The following BCAS1 variants were observed in gnomAD, a reference collection of about 807,000 sequenced individuals.
The protein encoded by BCAS1 is brain enriched myelin associated protein 1.
BCAS1 carries 46 observed loss-of-function variants against 65.4 expected under a neutral mutation model. The observed-to-expected ratio is 0.70, with a 90% CI of 0.55 to 0.90. BCAS1 has a LOEUF of 0.90. Ranked by LOEUF, BCAS1 falls within the 40% of genes least tolerant of loss-of-function variation. The pLI is 0.00. For missense variants in BCAS1, 793 were observed against 771.2 expected (o/e 1.03, Z -0.33); for synonymous variants, 298 against 293.5 (o/e 1.02, Z -0.16).
At chr20:54,008,947 G>A (rs1304186687) in intron 4 of BCAS1, among the ~76,000 whole-genome samples, 2 of 152,030 alleles carry the variant, frequency 1.3e-5, no homozygotes, top group Admixed American at 6.6e-5. Context: ...CTGAGCAACT[G>A]GTATTACAGG....
chr20:54,029,696 A>G (rs290455), intron 3 of BCAS1, among the ~76,000 whole-genome samples: 89,929 of 152,086 alleles, frequency 0.59, 26,750 homozygotes, highest in South Asian at 0.62. Context: ...GTACAATAGC[A>G]CCTGGAATAT....
chr20:53,978,296 T>C (rs2090388430), intron 8 of BCAS1, among the ~76,000 whole-genome samples: 2 of 152,162 alleles, frequency 1.3e-5, no homozygotes, highest in Admixed American at 1.3e-4. Context: ...ACCACCTCTA[T>C]TCAGTTGATG....
chr20:54,044,869 G>T (rs1008720913), intron 3 of BCAS1, among the ~76,000 whole-genome samples: 3 of 150,282 alleles, frequency 2.0e-5, no homozygotes, highest in African/African-American at 7.3e-5. Flanking sequence ...AATTTTCTAA[G>T]TGTATTCCAA....
chr20:54,061,679 C>T (rs1250093810), intron 1 of BCAS1, among the ~76,000 whole-genome samples: 1 of 152,142 alleles, frequency 6.6e-6, no homozygotes, highest in South Asian at 2.1e-4. Flanking sequence ...AATACATAAC[C>T]AAATCTGGGG....
intron 9 of BCAS1, among the ~76,000 whole-genome samples, chr20:53,970,603 C>G (rs1000494588): frequency 6.6e-6 from 1 of 152,112 alleles, no homozygotes; most frequent in Non-Finnish European, 1.5e-5. Flanking sequence ...AGAATTAAAT[C>G]CCCCCTGCTT....
chr20:53,988,312 T>C (rs112079585), intron 7 of BCAS1, among the ~76,000 whole-genome samples: 4 of 152,188 alleles, frequency 2.6e-5, no homozygotes, highest in African/African-American at 9.7e-5. Context: ...ATGCATTACA[T>C]ACTTGGCCGT....
chr20:54,031,707 A>G (rs1024230540), intron 3 of BCAS1, among the ~76,000 whole-genome samples: 3 of 151,336 alleles, frequency 2.0e-5, no homozygotes, highest in African/African-American at 7.3e-5. Context: ...GCTGAACTTT[A>G]GCATTACATA....
intron 3 of BCAS1, among the ~76,000 whole-genome samples, chr20:54,054,812 A>G (rs1426015487): frequency 6.6e-6 from 1 of 152,238 alleles, no homozygotes; most frequent in Non-Finnish European, 1.5e-5. Flanking sequence ...CTGTTGTCCT[A>G]CGTTTCAAGA....
intron 4 of BCAS1, among the ~76,000 whole-genome samples, chr20:54,015,518 T>A (rs1241320316): frequency 1.3e-5 from 2 of 151,974 alleles, no homozygotes; most frequent in South Asian, 2.1e-4. Flanking sequence ...TTCAAGCCCA[T>A]GGCAAAAACA....
chr20:54,046,528 CAAA>C (rs71196442), intron 3 of BCAS1, among the ~76,000 whole-genome samples: 2 of 54,214 alleles, frequency 3.7e-5, no homozygotes, highest in African/African-American at 6.7e-5. Context: ...GACTCCATCT[CAAA>C]AAAAAAAAAA....
At chr20:53,966,090 G>T (rs1287365966) in intron 10 of BCAS1, among the ~76,000 whole-genome samples, 1 of 152,086 alleles carries the variant, frequency 6.6e-6, no homozygotes, top group East Asian at 1.9e-4. Flanking sequence ...AAAACTAAAA[G>T]TAGATCCACT....
At chr20:53,972,373 T>G (rs1227158363) in intron 9 of BCAS1, among the ~76,000 whole-genome samples, 1 of 152,122 alleles carries the variant, frequency 6.6e-6, no homozygotes, top group Non-Finnish European at 1.5e-5. Flanking sequence ...GGAAAGAAAA[T>G]CACCGATTAC....
At chr20:53,974,249 G>A (rs1052827178) in intron 9 of BCAS1, among the ~76,000 whole-genome samples, 1 of 152,132 alleles carries the variant, frequency 6.6e-6, no homozygotes, top group African/African-American at 2.4e-5. Context: ...CCCCTTCCAC[G>A]CTGTGGAAGC....
At chr20:54,016,366 C>T (rs150300086) in intron 4 of BCAS1, among the ~76,000 whole-genome samples, 3 of 152,086 alleles carry the variant, frequency 2.0e-5, no homozygotes, top group South Asian at 2.1e-4. Flanking sequence ...TTTTGGGGTA[C>T]GTGTGATAAT....
intron 3 of BCAS1, among the ~76,000 whole-genome samples, chr20:54,048,018 G>T (rs1600992541): frequency 6.6e-6 from 1 of 152,236 alleles, no homozygotes; most frequent in Middle Eastern, 3.4e-3. Context: ...AGAAAGTTGT[G>T]GGTTTTCTGC....
At chr20:53,982,618 A>C (rs1316156770) in intron 8 of BCAS1, among the ~76,000 whole-genome samples, 1 of 152,162 alleles carries the variant, frequency 6.6e-6, no homozygotes, top group African/African-American at 2.4e-5. Flanking sequence ...AAAATGTAAG[A>C]ATTTCCTAGA....
chr20:54,012,758 C>T (rs2091350182), intron 4 of BCAS1, among the ~76,000 whole-genome samples: 1 of 152,136 alleles, frequency 6.6e-6, no homozygotes, highest in Non-Finnish European at 1.5e-5. Context: ...ACAACGATCC[C>T]ATGAAGCATG....
chr20:54,024,985 T>C (rs1019553083), intron 4 of BCAS1, among the ~76,000 whole-genome samples: 1 of 152,232 alleles, frequency 6.6e-6, no homozygotes, highest in East Asian at 1.9e-4. Flanking sequence ...CTTAAAATAC[T>C]ATGTCTCTTA....
At chr20:54,058,380 C>A (rs949225110) in intron 2 of BCAS1, among the ~76,000 whole-genome samples, 2 of 152,148 alleles carry the variant, frequency 1.3e-5, no homozygotes, top group Non-Finnish European at 2.9e-5. Flanking sequence ...TGCCTCAGCT[C>A]AGGGGACCCC....
Sources: gnomAD v4.1 joint callset for allele counts (sites outside exome capture counted in the v4.1 genomes callset) on GRCh38, gnomAD v4.1.1 for gene constraint, MANE v1.5 for transcripts, NCBI Gene and HGNC (gene_info 2026-07-23, HGNC 2026-07-21) for gene names.